The following SLC5A10 variants were observed in gnomAD, a reference collection of about 807,000 sequenced individuals.
SLC5A10 encodes solute carrier family 5 member 10, also known as sodium/mannose cotransporter SLC5A10.
Under a neutral mutation model 68.9 loss-of-function variants are expected in SLC5A10, and 55 were observed. The observed-to-expected ratio is 0.80, with a 90% CI of 0.64 to 1.00. The LOEUF is 1.00. Among genes scored for constraint, SLC5A10 ranks in the 50% least tolerant of loss-of-function variants. The probability of loss-of-function intolerance (pLI) is 0.00; values close to 1 mark genes in which losing one functional copy is unlikely to be tolerated. For synonymous variants in SLC5A10, 344 were observed against 344.8 expected (o/e 1.00, Z 0.02); for missense variants, 732 against 819.3 (o/e 0.89, Z 1.30).
rs769478843 is a variant in SLC5A10, at chr17:19,019,565, G to A, written c.1384G>A (p.Val462Ile). 22 of 1,611,756 alleles carry A rather than the reference G, an allele frequency of 1.4e-5. No individual in the cohort carries two copies. The highest frequency in any genetic ancestry group is 1.6e-4 in the Middle Eastern group (1 of 6,084). The change falls in exon 12 of 15, where the codon GTC becomes ATC. Residue 462 changes from valine to isoleucine, a missense_variant. Coordinates refer to ENST00000395645, the MANE Select transcript of SLC5A10 (RefSeq NM_001042450.4). Reference sequence around the variant, plus strand: ...AGTGACTGCAGTCTTTGTCCTGGGCGTCTTCTGGCGACGTGCCAACGAGCA... The same window carrying A: ...AGTGACTGCAGTCTTTGTCCTGGGCATCTTCTGGCGACGTGCCAACGAGCA... ...PPVTAVFVLG[V>I]FWRRANEQGA...
chr17:18,969,111 C>T lies in SLC5A10; in HGVS notation c.513C>T (p.Leu171=). ...TCTGCCTGGGCTGGAACTTCTACCT[C>T]TCCACCATCCTCACGCTCGGCATCA... ...VHICLGWNFY[L]STILTLGITA... The change falls in exon 6 of 15, where the codon CTC becomes CTT. Residue 171 remains leucine, a synonymous_variant. Coordinates refer to ENST00000395645, the MANE Select transcript of SLC5A10 (RefSeq NM_001042450.4). The T allele has an allele frequency of 3.1e-6, 5 of 1,614,166 alleles. No individual in the cohort carries two copies. Among genetic ancestry groups the T allele is most frequent in the Non-Finnish European group, 4.2e-6 (5 of 1,180,002 alleles).
At chr17:18,986,445 A>C (rs2043270392) in intron 9 of SLC5A10, 1 of 152,104 alleles carries the variant, frequency 6.6e-6, no homozygotes, top group Admixed American at 6.5e-5. Flanking sequence ...GCCACCCCTA[A>C]ATTGGTCGGA....
intron 9 of SLC5A10, among the ~76,000 whole-genome samples, chr17:18,998,670 G>A (rs1597886751): frequency 6.6e-6 from 1 of 152,166 alleles, no homozygotes. Context: ...GGCTCTCCTC[G>A]AAACTCTTAA....
At chr17:18,987,200 G>A (rs146592505) in intron 9 of SLC5A10, among the ~76,000 whole-genome samples, 1 of 152,192 alleles carries the variant, frequency 6.6e-6, no homozygotes, top group Non-Finnish European at 1.5e-5. Flanking sequence ...ATTTTGACCT[G>A]TCAGACACTG....
At chr17:19,005,684 C>G (rs1168198070) in intron 9 of SLC5A10, among the ~76,000 whole-genome samples, 2 of 149,798 alleles carry the variant, frequency 1.3e-5, no homozygotes, top group African/African-American at 4.9e-5. Flanking sequence ...CATTCATGGC[C>G]CATCAGGACT....
rs1326265992 is a variant in SLC5A10 at position 19,021,944 on chromosome 17, C to G, written c.*1513C>G. 3.3e-6 allele frequency: 5 copies of G among 1,496,786 alleles called. No individual in the cohort carries two copies. Among genetic ancestry groups the G allele is most frequent in the Non-Finnish European group, 3.6e-6 (4 of 1,124,214 alleles). 92.7% of individuals were successfully genotyped at this position (1,496,786 alleles called of 1,614,324 possible). ...CTGTAAAAAGGCCCGTTGGCCAGAT[C>G]GGCCGCCGGGCTGCTCACAGGTGCA... On this transcript the variant is annotated 3_prime_UTR_variant, in exon 15 of 15. Transcript: ENST00000395645. The surrounding 1 kb of genome is among the most constrained non-coding windows in gnomAD (Gnocchi z 4.1).
chr17:18,965,466 C>T (rs1030800386), intron 5 of SLC5A10, among the ~76,000 whole-genome samples: 9 of 152,192 alleles, frequency 5.9e-5, no homozygotes, highest in African/African-American at 9.7e-5. Flanking sequence ...TGGCTGAGAG[C>T]GGGCAGGGCA....
chr17:18,979,805 G>A, intron 9 of SLC5A10: 1 of 1,034,540 alleles, frequency 9.7e-7, no homozygotes, highest in Non-Finnish European at 1.4e-6. Context: ...AGGCTGTAAG[G>A]CCTGGAGAAA....
chr17:18,976,937 C>A lies in SLC5A10; in HGVS notation c.930C>A (p.Leu310=), dbSNP rs1318000936. ...GSILASYLKM[L]PMGLIIMPGM... ...TCCTGGCCAGCTACCTCAAGATGCTCCCCATGGGCCTGATCATCATGCCGG... is the reference window on the plus strand; with the variant it reads ...TCCTGGCCAGCTACCTCAAGATGCTACCCATGGGCCTGATCATCATGCCGG... Residue 310 remains leucine (L), a synonymous_variant, in exon 9 of 15, where the codon CTC becomes CTA. Transcript: ENST00000395645. 3 of 1,613,418 alleles carry A rather than the reference C, an allele frequency of 1.9e-6. 1 individual carries two copies. Among genetic ancestry groups the A allele is most frequent in the South Asian group, 2.2e-5 (2 of 91,072 alleles).
At chr17:18,966,782 G>C (rs1256015926) in intron 5 of SLC5A10, among the ~76,000 whole-genome samples, 1 of 149,866 alleles carries the variant, frequency 6.7e-6, no homozygotes, top group Non-Finnish European at 1.5e-5. Flanking sequence ...CTCTGCGGTT[G>C]CTCCTGGGTC....
chr17:19,011,293 C>A (rs930158647), intron 9 of SLC5A10, among the ~76,000 whole-genome samples: 48 of 152,250 alleles, frequency 3.2e-4, no homozygotes, highest in African/African-American at 1.1e-3. Flanking sequence ...AGGAGGTAAA[C>A]AAGGGTGTGG....
At chr17:18,987,641 TTC>T (rs1232214118) in intron 9 of SLC5A10, among the ~76,000 whole-genome samples, 1 of 152,214 alleles carries the variant, frequency 6.6e-6, no homozygotes, top group Admixed American at 6.5e-5. Context: ...ATCGGCAGCC[TTC>T]TCTGATCCAC....
chr17:18,966,461 T>C (rs1214245417), intron 5 of SLC5A10, among the ~76,000 whole-genome samples: 1 of 152,156 alleles, frequency 6.6e-6, no homozygotes, highest in Admixed American at 6.5e-5. Flanking sequence ...CTGTGCCTTC[T>C]AGGAGTTGGA....
intron 9 of SLC5A10, among the ~76,000 whole-genome samples, chr17:19,008,246 C>G (rs1249793401): frequency 2.0e-5 from 3 of 152,140 alleles, no homozygotes; most frequent in African/African-American, 7.2e-5. Context: ...CCTCTTAACT[C>G]TATTTTAGTT....
chr17:18,992,604 C>G (rs2043456523), intron 9 of SLC5A10, among the ~76,000 whole-genome samples: 1 of 152,232 alleles, frequency 6.6e-6, no homozygotes, highest in African/African-American at 2.4e-5. Flanking sequence ...CCAGCCAGAG[C>G]CCCCTGAGCA....
At chr17:18,980,041 G>A (rs1050343581) in intron 9 of SLC5A10, among the ~76,000 whole-genome samples, 34 of 152,176 alleles carry the variant, frequency 2.2e-4, no homozygotes, top group African/African-American at 7.5e-4. Flanking sequence ...GGTCCTGAGC[G>A]GGAGGGTGAT....
chr17:19,007,706 A>G (rs2043924113), intron 9 of SLC5A10, among the ~76,000 whole-genome samples: 1 of 152,250 alleles, frequency 6.6e-6, no homozygotes, highest in South Asian at 2.1e-4. Flanking sequence ...TCTCCCAGTC[A>G]GTAGCTTGCT....
chr17:18,956,480 T>C (rs2042506108), intron 1 of SLC5A10, among the ~76,000 whole-genome samples: 1 of 145,474 alleles, frequency 6.9e-6, no homozygotes, highest in Non-Finnish European at 1.5e-5. Context: ...TTTTTTTTTT[T>C]TTTTTTTCTG....
At chr17:18,959,793 C>T (rs946171389) in intron 4 of SLC5A10, 130 bp downstream of exon 4, 49 of 718,526 alleles carry the variant, frequency 6.8e-5, no homozygotes, top group Non-Finnish European at 6.7e-5. Flanking sequence ...TGCTATTAGC[C>T]CGACTAATAT....
Sources: allele counts gnomAD v4.1 joint callset (sites outside exome capture counted in the v4.1 genomes callset), GRCh38; gene constraint gnomAD v4.1.1; non-coding constraint Gnocchi (gnomAD v3.1); transcripts MANE v1.5; gene names NCBI Gene and HGNC (gene_info 2026-07-23, HGNC 2026-07-21).